SLC24A2: variants seen among roughly 807,000 people sequenced by gnomAD.
SLC24A2 encodes solute carrier family 24 member 2, also known as sodium/potassium/calcium exchanger 2.
In SLC24A2, 36 loss-of-function variants were observed where a neutral mutation model predicts 62.0. That is an observed-to-expected ratio of 0.58 (90% confidence interval 0.44 to 0.77). The LOEUF (loss-of-function observed/expected upper bound fraction) is 0.77. SLC24A2 is among the 30% of genes least tolerant of loss of function. The pLI, the probability that SLC24A2 is intolerant of heterozygous loss-of-function variation, is 0.00. For synonymous variants in SLC24A2, 358 were observed against 294.0 expected, an observed-to-expected ratio of 1.22 and a Z score of -2.23; for missense variants, 846 against 817.9, an observed-to-expected ratio of 1.03 and a Z score of -0.42.
chr9:20,101,565 A>C, the SLC24A2 span, among the ~76,000 whole-genome samples: 1 of 152,096 alleles, frequency 6.6e-6, no homozygotes, highest in Non-Finnish European at 1.5e-5. Context: ...AGGCTGCCCC[A>C]CCCATACCTC....
the SLC24A2 span, among the ~76,000 whole-genome samples, chr9:20,173,029 TAAAC>T: frequency 6.6e-6 from 1 of 151,980 alleles, no homozygotes; most frequent in South Asian, 2.1e-4. Flanking sequence ...TGGTTTAACA[TAAAC>T]AAGACAATAA....
the SLC24A2 span, among the ~76,000 whole-genome samples, chr9:20,100,658 T>A: frequency 1.3e-5 from 2 of 152,232 alleles, no homozygotes; most frequent in African/African-American, 4.8e-5. Flanking sequence ...AATTCATTAA[T>A]AAATTTTGAA....
intron 2 of SLC24A2, among the ~76,000 whole-genome samples, chr9:19,724,454 G>A (rs143444002): frequency 2.6e-5 from 4 of 152,166 alleles, no homozygotes; most frequent in Non-Finnish European, 5.9e-5. Flanking sequence ...GCACAATTTT[G>A]ATTTGTAAAA....
intron 2 of SLC24A2, among the ~76,000 whole-genome samples, chr9:19,642,486 A>G (rs1818525563): frequency 6.6e-6 from 1 of 152,102 alleles, no homozygotes; most frequent in Admixed American, 6.5e-5. Flanking sequence ...CAAAAATCAC[A>G]GGGTCAATTT....
At chr9:19,581,744 T>G (rs149740913) in intron 5 of SLC24A2, among the ~76,000 whole-genome samples, 2 of 152,278 alleles carry the variant, frequency 1.3e-5, no homozygotes, top group East Asian at 3.9e-4. Context: ...AGGCACAGAT[T>G]CCAAATTGCC....
At chr9:20,073,764 T>A in the SLC24A2 span, among the ~76,000 whole-genome samples, 3 of 151,910 alleles carry the variant, frequency 2.0e-5, no homozygotes, top group Admixed American at 6.6e-5. Flanking sequence ...GAAAATCTAA[T>A]GGAGAAAATT....
the SLC24A2 span, among the ~76,000 whole-genome samples, chr9:20,077,350 T>C: frequency 3.3e-5 from 5 of 152,222 alleles, no homozygotes; most frequent in African/African-American, 1.2e-4. Context: ...TGCTTCACTA[T>C]AGTAACTATG....
intron 7 of SLC24A2, among the ~76,000 whole-genome samples, chr9:19,564,826 G>C (rs1319421804): frequency 2.0e-5 from 3 of 152,188 alleles, no homozygotes; most frequent in African/African-American, 7.2e-5. Flanking sequence ...CTCATTGTGA[G>C]CGTATTTAAA....
At chr9:19,712,045 C>T (rs1007091572) in intron 2 of SLC24A2, among the ~76,000 whole-genome samples, 5 of 152,148 alleles carry the variant, frequency 3.3e-5, no homozygotes, top group Non-Finnish European at 7.4e-5. Flanking sequence ...TTCTGTGCCC[C>T]TGAACAATAC....
chr9:19,764,145 C>G (rs4977321), intron 2 of SLC24A2, among the ~76,000 whole-genome samples: 45,708 of 152,010 alleles, frequency 0.3, 7,025 homozygotes, highest in South Asian at 0.43. Flanking sequence ...ATTTCTGTGG[C>G]ATCAGTGGTG....
chr9:19,545,591 C>T (rs557559593), intron 8 of SLC24A2, among the ~76,000 whole-genome samples: 1 of 152,114 alleles, frequency 6.6e-6, no homozygotes, highest in South Asian at 2.1e-4. Flanking sequence ...TAGTCAGTGA[C>T]CTTCGGATGG....
At chr9:20,209,049 G>C in the SLC24A2 span, among the ~76,000 whole-genome samples, 1 of 152,180 alleles carries the variant, frequency 6.6e-6, no homozygotes, top group African/African-American at 2.4e-5. Context: ...CTGTAAAATG[G>C]AGACATAAGT....
At chr9:20,173,772 G>T in the SLC24A2 span, among the ~76,000 whole-genome samples, 1 of 151,924 alleles carries the variant, frequency 6.6e-6, no homozygotes, top group Non-Finnish European at 1.5e-5. Context: ...TAAACATACT[G>T]TCAAAAGCAA....
chr9:19,606,644 ACACACACACACACG>A (rs958906344), intron 4 of SLC24A2, among the ~76,000 whole-genome samples: 9 of 150,598 alleles, frequency 6.0e-5, no homozygotes, highest in Non-Finnish European at 1.3e-4. Context: ...ATATATGAGA[ACACACACACACACG>A]CACACACACA....
chr9:20,082,762 A>T, the SLC24A2 span, among the ~76,000 whole-genome samples: 2 of 152,232 alleles, frequency 1.3e-5, no homozygotes, highest in Non-Finnish European at 2.9e-5. Context: ...TGTAGCTTGG[A>T]ATTGATTTCA....
the SLC24A2 span, among the ~76,000 whole-genome samples, chr9:20,119,067 C>G: frequency 4.6e-5 from 7 of 152,124 alleles, no homozygotes; most frequent in Non-Finnish European, 8.8e-5. Flanking sequence ...TGAACGCAGC[C>G]TTCAAGAACT....
At chr9:19,686,935 T>A (rs1463449016) in intron 2 of SLC24A2, among the ~76,000 whole-genome samples, 1 of 152,138 alleles carries the variant, frequency 6.6e-6, no homozygotes, top group African/African-American at 2.4e-5. Flanking sequence ...ATGTACACCA[T>A]GGAATACCAT....
At chr9:20,215,679 A>G in the SLC24A2 span, among the ~76,000 whole-genome samples, 1 of 152,120 alleles carries the variant, frequency 6.6e-6, no homozygotes, top group African/African-American at 2.4e-5. Context: ...TAAGCTGATG[A>G]CTTCAGCTGT....
chr9:20,253,488 C>A, the SLC24A2 span, among the ~76,000 whole-genome samples: 1 of 152,210 alleles, frequency 6.6e-6, no homozygotes, highest in Non-Finnish European at 1.5e-5. Context: ...GAGACCAAAT[C>A]TCACTATTGT....
Sources: gnomAD v4.1 joint callset for allele counts (sites outside exome capture counted in the v4.1 genomes callset) on GRCh38, gnomAD v4.1.1 for gene constraint, MANE v1.5 for transcripts, NCBI Gene and HGNC (gene_info 2026-07-23, HGNC 2026-07-21) for gene names.